The following FHAD1 variants were observed in gnomAD, a reference collection of about 807,000 sequenced individuals.
FHAD1 encodes forkhead associated phosphopeptide binding domain 1.
FHAD1 carries 146 observed loss-of-function variants against 191.3 expected under a neutral mutation model. The ratio of observed to expected loss-of-function variants is 0.76; its 90% CI spans 0.67 to 0.88. FHAD1 has a LOEUF of 0.88. Ranked by LOEUF, FHAD1 falls within the 40% of genes least tolerant of loss-of-function variation. The pLI, the probability that FHAD1 is intolerant of heterozygous loss-of-function variation, is 0.00. For missense variants in FHAD1, 1,635 were observed against 1,785.8 expected, an observed-to-expected ratio of 0.92 and a Z score of 1.52; for synonymous variants, 616 against 672.3, an observed-to-expected ratio of 0.92 and a Z score of 1.29.
chr1:15,392,901 C>G (rs1004244083), intron 33 of FHAD1, among the ~76,000 whole-genome samples: 2 of 152,042 alleles, frequency 1.3e-5, no homozygotes, highest in African/African-American at 4.8e-5. Flanking sequence ...GGCCACCTAC[C>G]GTGCTAAGCA....
At chr1:15,346,048 G>C (rs532180006) in intron 18 of FHAD1, among the ~76,000 whole-genome samples, 4 of 152,016 alleles carry the variant, frequency 2.6e-5, no homozygotes, top group Non-Finnish European at 5.9e-5. Flanking sequence ...CCTCCCCTGC[G>C]CTCCCACAAG....
At chr1:15,346,056 A>G (rs887021224) in intron 18 of FHAD1, among the ~76,000 whole-genome samples, 2 of 152,088 alleles carry the variant, frequency 1.3e-5, no homozygotes, top group South Asian at 2.1e-4. Flanking sequence ...GCGCTCCCAC[A>G]AGATACATCT....
In FHAD1 at chr1:15,382,147, A is replaced by G; in HGVS notation, c.4142A>G (p.Gln1381Arg). The stretch of plus-strand genomic sequence containing the variant: ...GAGGCCCTGGAGCGCATGGAGCACC[A>G]GCTGTGCCAGGAGAAGAGGATCAAC... The part of the protein sequence containing the change: ...LKEALERMEH[Q>R]LCQEKRINRA... Residue 1381 changes from glutamine (Q) to arginine (R), a missense_variant, in exon 31 of 34, where the codon CAG becomes CGG. Gln to Arg is a conservative substitution (Grantham distance 43, BLOSUM62 1). Coordinates refer to ENST00000688493, the MANE Select transcript of FHAD1 (RefSeq NM_001391957.1). The G allele has an allele frequency of 6.4e-7, 1 of 1,552,044 alleles. No individual in the cohort carries two copies. The highest frequency in any genetic ancestry group is 8.7e-7 in the Non-Finnish European group (1 of 1,147,098).
At chr1:15,281,755 T>C (rs963739536) in intron 3 of FHAD1, among the ~76,000 whole-genome samples, 22 of 99,764 alleles carry the variant, frequency 2.2e-4, no homozygotes, top group Non-Finnish European at 3.6e-4. Context: ...AGTGAGACAC[T>C]GTCTCAAAAA....
chr1:15,319,824 T>C (rs866836368), intron 10 of FHAD1, among the ~76,000 whole-genome samples: 7 of 152,196 alleles, frequency 4.6e-5, no homozygotes, highest in African/African-American at 1.7e-4. Context: ...ATCAAAATAA[T>C]TTCAGGAGAC....
chr1:15,369,619 G>A lies in FHAD1; in HGVS notation c.3447+117G>A. 3.3e-6 allele frequency: 4 copies of A among 1,210,176 alleles called. No individual in the cohort carries two copies. In the South Asian group the frequency reaches 5.9e-5, roughly 18 times the overall value. The allele number at this position is 1,210,176 out of a possible 1,614,324, so 75.0% of individuals were successfully genotyped here. ...AGTTCCAAAAGTATGGCTTGCTGGT[G>A]TGAAATGTATAAAGTAAATCGCAGA... On this transcript the variant is annotated intron_variant, in intron 26 of 33. Transcript: ENST00000688493.
intron 2 of FHAD1, among the ~76,000 whole-genome samples, chr1:15,255,728 C>T (rs1647730411): frequency 1.3e-5 from 2 of 152,116 alleles, no homozygotes; most frequent in African/African-American, 2.4e-5. Flanking sequence ...AAGGACTTAA[C>T]TAGACAAAGG....
chr1:15,322,503 G>A (rs1185395168), intron 10 of FHAD1, among the ~76,000 whole-genome samples: 1 of 152,182 alleles, frequency 6.6e-6, no homozygotes, highest in Non-Finnish European at 1.5e-5. Context: ...CAAGATTGGG[G>A]GAAGCCAGGC....
At chr1:15,361,368 CT>C (rs1480872410) in intron 22 of FHAD1, among the ~76,000 whole-genome samples, 1 of 152,164 alleles carries the variant, frequency 6.6e-6, no homozygotes, top group Non-Finnish European at 1.5e-5. Flanking sequence ...AGTGGCACCC[CT>C]ACCCCAGTTG....
chr1:15,256,558 CAGG>C (rs1160035018), intron 2 of FHAD1, among the ~76,000 whole-genome samples: 1 of 143,086 alleles, frequency 7.0e-6, no homozygotes, highest in Non-Finnish European at 1.5e-5. Flanking sequence ...GAGCCTGAGG[CAGG>C]AGAATTGATT....
intron 31 of FHAD1, 57 bp from the exon 32 acceptor site, chr1:15,387,994 C>A: frequency 1.0e-6 from 1 of 1,000,796 alleles, no homozygotes; most frequent in Non-Finnish European, 1.4e-6. Flanking sequence ...CAGATTGGAA[C>A]GGGTAAGGAC....
intron 2 of FHAD1, 40 bp downstream of exon 2, chr1:15,251,917 C>A (rs1204932353): frequency 3.3e-5 from 50 of 1,493,048 alleles, no homozygotes; most frequent in Non-Finnish European, 4.0e-5. Context: ...CCTCCCTGAC[C>A]CCTTCCTTCT....
intron 1 of FHAD1, among the ~76,000 whole-genome samples, chr1:15,249,279 G>A (rs1030054327): frequency 7.2e-6 from 1 of 139,534 alleles, no homozygotes. Context: ...GGAAACATCG[G>A]GGGGAAGAGC....
At chr1:15,369,287 C>T (rs1221477968) in intron 25 of FHAD1, 83 bp from the exon 26 acceptor site, 4 of 1,387,262 alleles carry the variant, frequency 2.9e-6, no homozygotes, top group Admixed American at 4.9e-5. Flanking sequence ...AAAAATAGAG[C>T]TCCATGTCCT....
At chr1:15,333,445 G>A (rs1176837569) in intron 14 of FHAD1, among the ~76,000 whole-genome samples, 1 of 152,086 alleles carries the variant, frequency 6.6e-6, no homozygotes, top group African/African-American at 2.4e-5. Flanking sequence ...TTCTAGATAC[G>A]GTTCTCAGCA....
intron 14 of FHAD1, among the ~76,000 whole-genome samples, chr1:15,337,377 G>T (rs1684631054): frequency 6.6e-6 from 1 of 152,164 alleles, no homozygotes; most frequent in Non-Finnish European, 1.5e-5. Flanking sequence ...CCTTTAAAAG[G>T]CTTTCCCTTT....
upstream of FHAD1, among the ~76,000 whole-genome samples, chr1:15,245,086 A>G (rs1351489544): frequency 6.6e-6 from 1 of 152,142 alleles, no homozygotes; most frequent in Non-Finnish European, 1.5e-5. Flanking sequence ...TCTTTAGGAA[A>G]CTGATAGAGT....
At chr1:15,365,204 C>T (rs891078040) in intron 23 of FHAD1, among the ~76,000 whole-genome samples, 1 of 152,212 alleles carries the variant, frequency 6.6e-6, no homozygotes, top group African/African-American at 2.4e-5. Context: ...GTCCCTCCAC[C>T]ATCAGAAGTC....
chr1:15,360,599 A>G lies in FHAD1; in HGVS notation c.2858A>G (p.Gln953Arg), dbSNP rs1195130823. The G allele has an allele frequency of 1.9e-6, 3 of 1,552,184 alleles. No homozygotes were observed. The Admixed American group carries it at 5.9e-5, about 30-fold the overall frequency. Residue 953 changes from glutamine (Q) to arginine (R), a missense_variant, in exon 22 of 34, where the codon CAG (glutamine) becomes CGG (arginine). Gln to Arg is a conservative substitution (Grantham distance 43). Coordinates refer to ENST00000688493, the MANE Select transcript of FHAD1 (RefSeq NM_001391957.1). ...ATGGAATATAAGGAGCAAATCAAAC[A>G]GCACGCCCAGACAATTGTGAGCCTC... Reference protein sequence around the residue: ...EIMEYKEQIKQHAQTIVSLEE... With the variant: ...EIMEYKEQIKRHAQTIVSLEE...
Sources: allele counts gnomAD v4.1 joint callset (sites outside exome capture counted in the v4.1 genomes callset), GRCh38; gene constraint gnomAD v4.1.1; transcripts MANE v1.5; gene names NCBI Gene and HGNC (gene_info 2026-07-23, HGNC 2026-07-21).